Variants in ESR2 observed in about 807,000 individuals in gnomAD.
ESR2 encodes the protein estrogen receptor 2.
ESR2 carries 36 observed loss-of-function variants against 49.6 expected under a neutral mutation model. The observed-to-expected ratio is 0.73, with a 90% CI of 0.56 to 0.96. ESR2 has a LOEUF of 0.96. Among genes scored for constraint, ESR2 ranks in the 40% least tolerant of loss-of-function variants. The probability of loss-of-function intolerance (pLI) is 0.00; values close to 1 mark genes in which losing one functional copy is unlikely to be tolerated. For synonymous variants in ESR2, 320 were observed against 266.1 expected (o/e 1.20, Z -1.97); for missense variants, 714 against 693.0 (o/e 1.03, Z -0.34).
chr14:64,267,827 T>G (rs1596419315), intron 4 of ESR2, among the ~76,000 whole-genome samples: 1 of 139,124 alleles, frequency 7.2e-6, no homozygotes, highest in South Asian at 2.2e-4. Context: ...GAGCTTGTAG[T>G]GGGCTGAGAA....
chr14:64,338,208 C>T (rs917451193), upstream of ESR2: 2 of 155,232 alleles, frequency 1.3e-5, no homozygotes, highest in Admixed American at 6.5e-5. Flanking sequence ...CTCCCTGAGC[C>T]CTGGCAACCC....
At chr14:64,249,084 A>C (rs1168025970) in intron 7 of ESR2, among the ~76,000 whole-genome samples, 3 of 152,102 alleles carry the variant, frequency 2.0e-5, no homozygotes, top group Non-Finnish European at 4.4e-5. Context: ...TTATCATAGC[A>C]CAGAAATCAT....
intron 4 of ESR2, among the ~76,000 whole-genome samples, chr14:64,261,674 C>T (rs1243863990): frequency 1.3e-5 from 2 of 152,170 alleles, no homozygotes; most frequent in African/African-American, 4.8e-5. Context: ...CCATCTTGGC[C>T]TCCCAAAGTG....
chr14:64,279,239 A>C (rs1018856457), intron 3 of ESR2, among the ~76,000 whole-genome samples: 1 of 152,202 alleles, frequency 6.6e-6, no homozygotes, highest in East Asian at 1.9e-4. Context: ...CCTAAAATGT[A>C]TAAGACCAAG....
intron 1 of ESR2, among the ~76,000 whole-genome samples, chr14:64,289,239 G>A (rs1007777294): frequency 3.3e-5 from 5 of 151,878 alleles, no homozygotes; most frequent in Admixed American, 6.6e-5. Flanking sequence ...GAGGCCGGGC[G>A]CAGTGGCTCA....
At chr14:64,286,791 T>C (rs112364700) in intron 1 of ESR2, among the ~76,000 whole-genome samples, 6 of 151,644 alleles carry the variant, frequency 4.0e-5, no homozygotes, top group African/African-American at 1.2e-4. Context: ...TCTCGGCTCA[T>C]TGCAACCTCC....
At chr14:64,283,246 C>T (rs2076717890) in intron 1 of ESR2, among the ~76,000 whole-genome samples, 171 bp from the exon 2 acceptor site, 1 of 152,060 alleles carries the variant, frequency 6.6e-6, no homozygotes, top group Admixed American at 6.6e-5. Context: ...AGGCATGAAA[C>T]TCACATTTTC....
intron 1 of ESR2, among the ~76,000 whole-genome samples, chr14:64,324,209 A>G (rs1346319257): frequency 1.3e-5 from 2 of 152,188 alleles, no homozygotes; most frequent in Non-Finnish European, 2.9e-5. Flanking sequence ...GGCAGAAGTG[A>G]TGTTATGTAA....
upstream of ESR2, among the ~76,000 whole-genome samples, chr14:64,295,093 G>A (rs536765092): frequency 6.6e-6 from 1 of 152,322 alleles, no homozygotes; most frequent in East Asian, 1.9e-4. Context: ...CCCAGCAGGA[G>A]CCCCAGGGTG....
intron 6 of ESR2, among the ~76,000 whole-genome samples, chr14:64,256,344 A>T (rs935079274): frequency 1.3e-5 from 2 of 152,216 alleles, no homozygotes; most frequent in African/African-American, 4.8e-5. Flanking sequence ...ATACAGCATC[A>T]TGTCCCATTT....
At position 64,322,278 on chromosome 14, in the gene ESR2, C is replaced by A. The variant is rs950940727; in HGVS notation, c.-91+15620G>T. Among the ~76,000 whole-genome samples the A allele has an allele frequency of 3.5e-4, 53 of 152,166 alleles. 1 individual carries two copies. The highest frequency in any genetic ancestry group is 1.2e-3 in the African/African-American group (48 of 41,536). ...TTTGCCATCTTGGCCAGGCTGGTCT[C>A]GAACTCCTGACCTCAGGTGATCCAC... On this transcript the variant is annotated intron_variant, in intron 1 of 8. Coordinates refer to the ESR2 transcript ENST00000358599.
chr14:64,281,111 G>A (rs1483795846), intron 2 of ESR2, among the ~76,000 whole-genome samples: 1 of 152,138 alleles, frequency 6.6e-6, no homozygotes, highest in East Asian at 1.9e-4. Context: ...AAGAGAAAGG[G>A]AGAGAGAAAA....
intron 1 of ESR2, among the ~76,000 whole-genome samples, chr14:64,314,039 G>A (rs1436310355): frequency 6.6e-6 from 1 of 152,080 alleles, no homozygotes; most frequent in Non-Finnish European, 1.5e-5. Context: ...ATTGACATTT[G>A]TAGAATACTC....
chr14:64,289,605 T>C (rs924761014), intron 1 of ESR2, among the ~76,000 whole-genome samples: 2 of 152,160 alleles, frequency 1.3e-5, no homozygotes, highest in Non-Finnish European at 2.9e-5. Context: ...AGTCTATTGG[T>C]ATATCACTGG....
At chr14:64,249,287 CTTTT>C (rs771008063) in intron 7 of ESR2, among the ~76,000 whole-genome samples, 1 of 151,224 alleles carries the variant, frequency 6.6e-6, no homozygotes, top group Non-Finnish European at 1.5e-5. Flanking sequence ...TTTAAAGTTC[CTTTT>C]TTTTTCTTTT....
At position 64,268,847 on chromosome 14, in the gene ESR2, G is replaced by C; in HGVS notation, c.600C>G (p.Ser200Arg). 6.2e-7 allele frequency: 1 copy of C among 1,613,952 alleles called. No homozygotes were observed. Among genetic ancestry groups the C allele is most frequent in the Non-Finnish European group, 8.5e-7 (1 of 1,179,828 alleles). ...ACTTCCGAAGTCGGCAGGCCTGGCA[G>C]CTCTTGCGCCGGTTTTTATCGATTG... ...QCTIDKNRRK[S>R]CQACRLRKCY... The change falls in exon 4 of 9, where the codon AGC becomes AGG. Residue 200 changes from serine to arginine, a missense_variant. Transcript: ENST00000341099.
At chr14:64,270,589 C>A (rs569088571) in intron 3 of ESR2, among the ~76,000 whole-genome samples, 1 of 152,252 alleles carries the variant, frequency 6.6e-6, no homozygotes, top group African/African-American at 2.4e-5. Context: ...CGACTCACTG[C>A]AACCTCTGCC....
chr14:64,270,762 G>C (rs1034208034), intron 3 of ESR2, among the ~76,000 whole-genome samples: 5 of 152,274 alleles, frequency 3.3e-5, no homozygotes, highest in African/African-American at 1.2e-4. Flanking sequence ...CACCCGCCTT[G>C]GTCTCCCAAA....
intron 5 of ESR2, chr14:64,260,221 A>C: frequency 1.3e-6 from 1 of 749,722 alleles, no homozygotes; most frequent in Non-Finnish European, 2.5e-6. Context: ...TTGGGTACAG[A>C]ACTCAGAAGA....
Sources: allele counts gnomAD v4.1 joint callset (sites outside exome capture counted in the v4.1 genomes callset), GRCh38; gene constraint gnomAD v4.1.1; transcripts MANE v1.5; gene names NCBI Gene and HGNC (gene_info 2026-07-23, HGNC 2026-07-21).